The following ROBO1 variants were observed in gnomAD, a reference collection of about 807,000 sequenced individuals.
ROBO1 encodes roundabout guidance receptor 1.
Under a neutral mutation model 195.9 loss-of-function variants are expected in ROBO1, and 149 were observed. The observed-to-expected ratio is 0.76, with a 90% CI of 0.67 to 0.87. The LOEUF (loss-of-function observed/expected upper bound fraction) is 0.87, where lower values mean the gene tolerates loss of function less well. Among genes scored for constraint, ROBO1 ranks in the 40% least tolerant of loss-of-function variants. The probability of loss-of-function intolerance (pLI) is 0.00; values close to 1 mark genes in which losing one functional copy is unlikely to be tolerated. For synonymous variants in ROBO1, 816 were observed against 733.2 expected, an observed-to-expected ratio of 1.11 and a Z score of -1.82; for missense variants, 1,933 against 2,068.3, an observed-to-expected ratio of 0.93 and a Z score of 1.27.
intron 1 of ROBO1, among the ~76,000 whole-genome samples, chr3:79,706,685 ACT>A (rs1182141839): frequency 6.6e-6 from 1 of 151,928 alleles, no homozygotes; most frequent in Non-Finnish European, 1.5e-5. Context: ...CCCTGCACAA[ACT>A]CTCTTTTTGC....
chr3:79,378,258 C>T (rs143518681), intron 2 of ROBO1, among the ~76,000 whole-genome samples: 22 of 151,862 alleles, frequency 1.4e-4, no homozygotes, highest in African/African-American at 4.1e-4. Context: ...CCAGGGCTTG[C>T]GTAATAGCCA....
chr3:79,708,588 G>T (rs1576263018), intron 1 of ROBO1, among the ~76,000 whole-genome samples: 1 of 152,272 alleles, frequency 6.6e-6, no homozygotes, highest in South Asian at 2.1e-4. Context: ...ACTGGCAGGG[G>T]ATGACAGCTT....
Position 78,915,657 on chromosome 3 carries a change from A to G in ROBO1, c.499+22944T>C, listed in dbSNP as rs541148322. On this transcript the variant is annotated intron_variant, in intron 4 of 30. Coordinates refer to ENST00000464233, the MANE Select transcript of ROBO1 (RefSeq NM_002941.4). ...AAAATTTACTGAAGATATGCATTTA[A>G]AATTCCTTCCTTCCTTCATTTCTTT... Among the ~76,000 whole-genome samples the G allele has an allele frequency of 2.6e-5, 4 of 151,972 alleles. No individual in the cohort carries two copies. In the East Asian group the frequency reaches 7.8e-4, roughly 29 times the overall value.
At chr3:79,233,615 G>A (rs1297979767) in intron 2 of ROBO1, among the ~76,000 whole-genome samples, 1 of 152,050 alleles carries the variant, frequency 6.6e-6, no homozygotes, top group African/African-American at 2.4e-5. Context: ...TACATCCATT[G>A]AACTCCAAGT....
At chr3:78,939,430 A>T (rs575157641) in intron 3 of ROBO1, among the ~76,000 whole-genome samples, 3 of 150,910 alleles carry the variant, frequency 2.0e-5, no homozygotes, top group East Asian at 2.0e-4. Context: ...CTGGCTAACA[A>T]GGTGAAACCC....
At chr3:78,960,147 A>T (rs891838750) in intron 3 of ROBO1, among the ~76,000 whole-genome samples, 2 of 152,132 alleles carry the variant, frequency 1.3e-5, no homozygotes, top group Non-Finnish European at 2.9e-5. Context: ...CCTGCACTCC[A>T]GCATGGGTGA....
chr3:79,240,974 T>G (rs1271406416), intron 2 of ROBO1, among the ~76,000 whole-genome samples: 1 of 152,112 alleles, frequency 6.6e-6, no homozygotes, highest in Admixed American at 6.6e-5. Flanking sequence ...ATAGTAAAAT[T>G]TTTATACTTA....
At chr3:78,618,545 T>C (rs1301961191) in intron 26 of ROBO1, among the ~76,000 whole-genome samples, 1 of 152,114 alleles carries the variant, frequency 6.6e-6, no homozygotes, top group Non-Finnish European at 1.5e-5. Context: ...AGAGTAAAAT[T>C]TCATAAGATT....
chr3:78,968,976 TA>T (rs2076707256), intron 3 of ROBO1, among the ~76,000 whole-genome samples: 1 of 152,192 alleles, frequency 6.6e-6, no homozygotes, highest in South Asian at 2.1e-4. Flanking sequence ...AATAGTTAAG[TA>T]CTTTGTCTGA....
chr3:78,843,081 A>G (rs978265918), intron 4 of ROBO1, among the ~76,000 whole-genome samples: 1 of 152,136 alleles, frequency 6.6e-6, no homozygotes, highest in Non-Finnish European at 1.5e-5. Flanking sequence ...TACTATTTAT[A>G]TGATAAGCAT....
intron 4 of ROBO1, among the ~76,000 whole-genome samples, chr3:78,757,035 G>A (rs2082950142): frequency 6.6e-6 from 1 of 152,110 alleles, no homozygotes; most frequent in Admixed American, 6.5e-5. Context: ...GGGATTACAG[G>A]CAAGCACCAC....
At chr3:79,047,002 G>A (rs1272509609) in intron 3 of ROBO1, among the ~76,000 whole-genome samples, 1 of 152,102 alleles carries the variant, frequency 6.6e-6, no homozygotes, top group Non-Finnish European at 1.5e-5. Flanking sequence ...CCCATGACAA[G>A]TACTGAAGGT....
At chr3:78,964,772 G>A (rs963976649) in intron 3 of ROBO1, among the ~76,000 whole-genome samples, 1 of 150,562 alleles carries the variant, frequency 6.6e-6, no homozygotes, top group Non-Finnish European at 1.5e-5. Flanking sequence ...CAGAGTTTTA[G>A]GGGTCTAAAA....
chr3:79,709,557 TTAATA>T (rs1262469963), intron 1 of ROBO1, among the ~76,000 whole-genome samples: 1 of 152,084 alleles, frequency 6.6e-6, no homozygotes, highest in Non-Finnish European at 1.5e-5. Context: ...AACAATGACA[TTAATA>T]TAATAAATAT....
At chr3:78,960,805 C>A (rs560620451) in intron 3 of ROBO1, among the ~76,000 whole-genome samples, 11 of 151,208 alleles carry the variant, frequency 7.3e-5, no homozygotes, top group African/African-American at 2.2e-4. Context: ...CACACACACA[C>A]ACACACACAC....
At chr3:79,462,660 C>G (rs1937713639) in intron 2 of ROBO1, among the ~76,000 whole-genome samples, 1 of 152,140 alleles carries the variant, frequency 6.6e-6, no homozygotes, top group South Asian at 2.1e-4. Flanking sequence ...GCTTTTCAAA[C>G]AAATCTCCTT....
At chr3:79,494,493 G>C (rs1939626380) in intron 2 of ROBO1, among the ~76,000 whole-genome samples, 1 of 152,136 alleles carries the variant, frequency 6.6e-6, no homozygotes, top group Non-Finnish European at 1.5e-5. Context: ...GCAAGGAACA[G>C]ACTTGGAAGA....
chr3:78,747,044 T>A, intron 4 of ROBO1, 144 bp from the exon 5 acceptor site: 5 of 461,310 alleles, frequency 1.1e-5, no homozygotes, highest in Non-Finnish European at 1.4e-5. Context: ...CTATATCTAC[T>A]TATAGACATC....
intron 2 of ROBO1, among the ~76,000 whole-genome samples, chr3:79,251,615 G>C (rs1037796682): frequency 6.6e-6 from 1 of 152,158 alleles, no homozygotes; most frequent in African/African-American, 2.4e-5. Flanking sequence ...GCTGGGCATG[G>C]TGGCGGACGC....
Sources: allele counts gnomAD v4.1 joint callset (sites outside exome capture counted in the v4.1 genomes callset), GRCh38; gene constraint gnomAD v4.1.1; transcripts MANE v1.5; gene names NCBI Gene and HGNC (gene_info 2026-07-23, HGNC 2026-07-21).